The following CRTAP variants were observed in gnomAD, a reference collection of about 807,000 sequenced individuals.
CRTAP encodes the protein cartilage associated protein.
In CRTAP, 33 loss-of-function variants were observed where a neutral mutation model predicts 42.7. That is an observed-to-expected ratio of 0.77 (90% confidence interval 0.59 to 1.03). The LOEUF (loss-of-function observed/expected upper bound fraction) is 1.03. Ranked by LOEUF, CRTAP falls within the 50% of genes least tolerant of loss-of-function variation. The probability of loss-of-function intolerance (pLI) is 0.00; values close to 1 mark genes in which losing one functional copy is unlikely to be tolerated. For synonymous variants in CRTAP, 243 were observed against 217.7 expected (o/e 1.12, Z -1.02); for missense variants, 613 against 533.9 (o/e 1.15, Z -1.46).
rs1559438364 is a variant in CRTAP, at chr3:33,143,390, ACAACGGTTG to A, written c.*943_*951del. ...TGCCCCACTTTGCATCTCCAAAATT[ACAACGGTTG>A]GCCGATCCCATTTGAGGACAATGCT... On this transcript the variant is annotated 3_prime_UTR_variant, in exon 7 of 7. Transcript: ENST00000320954. The A allele has an allele frequency of 6.6e-6, 1 of 152,256 alleles. No individual in the cohort carries two copies. Among genetic ancestry groups the A allele is most frequent in the Non-Finnish European group, 1.5e-5 (1 of 68,044 alleles). 9.4% of individuals were successfully genotyped at this position (152,256 alleles called of 1,614,324 possible).
At chr3:33,119,550 G>T (rs1333906823) in intron 1 of CRTAP, among the ~76,000 whole-genome samples, 5 of 152,086 alleles carry the variant, frequency 3.3e-5, no homozygotes, top group Non-Finnish European at 7.3e-5. Flanking sequence ...TAGAAATGGT[G>T]CTCTTGTAAT....
In CRTAP at chr3:33,146,921, T is replaced by C. The variant is rs985398581; in HGVS notation, c.*4473T>C. ...AAAAAAAAAATCAATACTTAAACTGTAGGGAAAAGGTGGATTGGTGCCAGA... is the reference window on the plus strand; with the variant it reads ...AAAAAAAAAATCAATACTTAAACTGCAGGGAAAAGGTGGATTGGTGCCAGA... On this transcript the variant is annotated 3_prime_UTR_variant, in exon 7 of 7. Transcript: ENST00000320954. 6.6e-6 allele frequency: 1 copy of C among 151,950 alleles called. No homozygotes were observed. The highest frequency in any genetic ancestry group is 1.5e-5 in the Non-Finnish European group (1 of 67,894). The allele number at this position is 151,950 out of a possible 1,614,324, so 9.4% of individuals were successfully genotyped here.
chr3:33,127,895 C>T (rs1293751804), intron 3 of CRTAP, among the ~76,000 whole-genome samples: 11 of 152,104 alleles, frequency 7.2e-5, no homozygotes, highest in African/African-American at 1.4e-4. Flanking sequence ...TACTGGCAGG[C>T]GCCACCACAC....
Position 33,145,011 on chromosome 3 carries a change from G to A in CRTAP, c.*2563G>A, listed in dbSNP as rs2125608713. ...ACTTTTCCTGCAATAGCCTGGGAAGGAATAAAAGGATAGAGTGTTTGGGTT... is the reference window on the plus strand; with the variant it reads ...ACTTTTCCTGCAATAGCCTGGGAAGAAATAAAAGGATAGAGTGTTTGGGTT... On this transcript the variant is annotated 3_prime_UTR_variant, in exon 7 of 7. Coordinates refer to ENST00000320954, the MANE Select transcript of CRTAP (RefSeq NM_006371.5). The surrounding 1 kb of genome is among the most constrained non-coding windows in gnomAD (Gnocchi z 4.3). 6.6e-6 allele frequency: 1 copy of A among 152,348 alleles called. No homozygotes were observed. The highest frequency in any genetic ancestry group is 1.9e-4 in the East Asian group (1 of 5,184). 9.4% of individuals were successfully genotyped at this position (152,348 alleles called of 1,614,324 possible).
At chr3:33,123,638 T>G (rs1214999030) in intron 2 of CRTAP, among the ~76,000 whole-genome samples, 7 of 146,906 alleles carry the variant, frequency 4.8e-5, no homozygotes, top group East Asian at 2.0e-4. Context: ...TTTTTTTTTT[T>G]TTTTTTTTTT....
chr3:33,118,981 C>T (rs888681169), intron 1 of CRTAP, among the ~76,000 whole-genome samples: 1 of 152,192 alleles, frequency 6.6e-6, no homozygotes. Flanking sequence ...TCCCTTTCTC[C>T]CTCTTCTTCT....
chr3:33,114,497 G>T lies in CRTAP; in HGVS notation c.420G>T (p.Ala140=), dbSNP rs773473218. 2 of 1,603,734 alleles carry T rather than the reference G, an allele frequency of 1.2e-6. No individual in the cohort carries two copies. The highest frequency in any genetic ancestry group is 1.7e-5 in the Admixed American group (1 of 59,368). ...CCCAGCCCAGCCGCGAGGTGCTGGC[G>T]GACTTCCAGCGCCGCGAGCCCTACA... The part of the protein sequence containing the change: ...RQSQPSREVL[A]DFQRREPYKF... The change falls in exon 1 of 7, where the codon GCG becomes GCT. Residue 140 remains alanine (A), a synonymous_variant. Coordinates refer to ENST00000320954, the MANE Select transcript of CRTAP (RefSeq NM_006371.5).
At chr3:33,125,872 T>G (rs567712076) in intron 3 of CRTAP, among the ~76,000 whole-genome samples, 331 of 152,336 alleles carry the variant, frequency 2.2e-3, no homozygotes, top group African/African-American at 7.7e-3. Context: ...TAAATACATG[T>G]GTGTGCCTTT....
At position 33,120,584 on chromosome 3, in the gene CRTAP, C is replaced by A. The variant is rs1474924614; in HGVS notation, c.621+91C>A. ...AGCAGCTGCTGATAGCTAAGGACCT[C>A]TAGTGATTTTTGGTGACATTTGCTG... On this transcript the variant is annotated intron_variant, in intron 2 of 6. Transcript: ENST00000320954. The A allele has an allele frequency of 2.6e-6, 4 of 1,544,884 alleles. No homozygotes were observed. The African/African-American group carries it at 4.1e-5, about 16-fold the overall frequency.
chr3:33,119,064 G>T (rs1044278125), intron 1 of CRTAP, among the ~76,000 whole-genome samples: 1 of 152,116 alleles, frequency 6.6e-6, no homozygotes, highest in African/African-American at 2.4e-5. Flanking sequence ...AGGCTCTTTT[G>T]TGAGTGCAGG....
chr3:33,142,325 G>T, intron 6 of CRTAP, 70 bp from the exon 7 acceptor site: 1 of 1,400,000 alleles, frequency 7.1e-7, no homozygotes, highest in Non-Finnish European at 1.0e-6. Context: ...TCGGGATACT[G>T]TTTCTGCTCA....
At chr3:33,132,829 C>G (rs1438059550) in intron 5 of CRTAP, 129 bp downstream of exon 5, 7 of 1,151,696 alleles carry the variant, frequency 6.1e-6, no homozygotes, top group Non-Finnish European at 7.5e-6. Flanking sequence ...CCTGTAATCC[C>G]AGCACTTTGG....
intron 3 of CRTAP, among the ~76,000 whole-genome samples, chr3:33,127,579 C>T (rs2030112416): frequency 6.6e-6 from 1 of 151,696 alleles, no homozygotes; most frequent in Non-Finnish European, 1.5e-5. Flanking sequence ...TCCCGAGTAG[C>T]TGGGATTACA....
At chr3:33,130,161 TTCA>T in intron 4 of CRTAP, 94 bp downstream of exon 4, 1 of 1,309,836 alleles carries the variant, frequency 7.6e-7, no homozygotes, top group South Asian at 1.2e-5. Context: ...TTGTTGAGAG[TTCA>T]TCAAGGTCCA....
At chr3:33,135,831 G>A (rs1015031074) in intron 6 of CRTAP, among the ~76,000 whole-genome samples, 5 of 151,946 alleles carry the variant, frequency 3.3e-5, no homozygotes, top group Non-Finnish European at 7.4e-5. Context: ...ATATTATTAT[G>A]TGAGCAGTTT....
At chr3:33,116,732 A>T (rs560544855) in intron 1 of CRTAP, among the ~76,000 whole-genome samples, 1 of 152,206 alleles carries the variant, frequency 6.6e-6, no homozygotes, top group Non-Finnish European at 1.5e-5. Flanking sequence ...ATAAACGTGA[A>T]TGTTACTTAA....
chr3:33,126,509 A>C lies in CRTAP; in HGVS notation c.793+1930A>C, dbSNP rs569923166. On this transcript the variant is annotated intron_variant, in intron 3 of 6. Coordinates refer to ENST00000320954, the MANE Select transcript of CRTAP (RefSeq NM_006371.5). ...GTTTGATTTTGTTTTAGGGTTTTAA[A>C]TTTTGGTGGGAGTCAACTGCTTCAT... Among the ~76,000 whole-genome samples, 142 of 152,240 alleles carry C rather than the reference A, an allele frequency of 9.3e-4. 1 individual carries two copies. Among genetic ancestry groups the C allele is most frequent in the African/African-American group, 3.2e-3 (134 of 41,552 alleles).
rs140916174 is a variant in CRTAP at position 33,137,982 on chromosome 3, T to G, written c.1152+3717T>G. On this transcript the variant is annotated intron_variant, in intron 6 of 6. Transcript: ENST00000320954. ...TCACCATTGAATTGTCTTGGTACCC[T>G]TTGAAAGAAATCAGTTGACCATAAA... 6.9e-3 allele frequency among the ~76,000 whole-genome samples: 1,045 copies of G among 152,356 alleles called. 14 individuals carry two copies. Among genetic ancestry groups the G allele is most frequent in the African/African-American group, 0.024 (983 of 41,586 alleles).
At chr3:33,139,930 A>T (rs543158994) in intron 6 of CRTAP, among the ~76,000 whole-genome samples, 1 of 152,356 alleles carries the variant, frequency 6.6e-6, no homozygotes, top group East Asian at 1.9e-4. Flanking sequence ...TAATTTTAAG[A>T]AATATAGCCT....
Sources: gnomAD v4.1 joint callset for allele counts (sites outside exome capture counted in the v4.1 genomes callset) on GRCh38, gnomAD v4.1.1 for gene constraint, Gnocchi (gnomAD v3.1) non-coding constraint, MANE v1.5 for transcripts, NCBI Gene and HGNC (gene_info 2026-07-23, HGNC 2026-07-21) for gene names.